Variants in XPR1 observed in about 807,000 individuals in gnomAD.
The protein encoded by XPR1 is xenotropic and polytropic retrovirus receptor 1, also known as solute carrier family 53 member 1.
XPR1 carries 28 observed loss-of-function variants against 87.5 expected under a neutral mutation model. That is an observed-to-expected ratio of 0.32 (90% CI 0.24 to 0.44). The LOEUF (loss-of-function observed/expected upper bound fraction) is 0.44. Ranked by LOEUF, XPR1 falls within the 20% of genes least tolerant of loss-of-function variation. XPR1 has a pLI of 1.00. For missense variants in XPR1, 559 were observed against 862.3 expected (o/e 0.65, Z 4.41); for synonymous variants, 300 against 306.1 (o/e 0.98, Z 0.21).
intron 2 of XPR1, among the ~76,000 whole-genome samples, chr1:180,756,906 A>C (rs114319941): frequency 0.025 from 3,804 of 152,264 alleles, 152 homozygotes; most frequent in African/African-American, 0.086. Flanking sequence ...TTTGTTGAAA[A>C]GACTAGTCTT....
intron 2 of XPR1, among the ~76,000 whole-genome samples, chr1:180,767,345 T>G (rs1648325936): frequency 6.6e-6 from 1 of 152,174 alleles, no homozygotes; most frequent in Non-Finnish European, 1.5e-5. Flanking sequence ...ATAATTGAAA[T>G]TTTGTTCATT....
chr1:180,873,986 TA>T (rs1157447589), intron 13 of XPR1, 44 bp downstream of exon 13: 6 of 1,560,078 alleles, frequency 3.8e-6, no homozygotes, highest in Admixed American at 1.8e-5. Context: ...CTTTTTAACC[TA>T]AAAGACACCC....
At chr1:180,845,854 A>T (rs1651663913) in intron 11 of XPR1, among the ~76,000 whole-genome samples, 1 of 152,226 alleles carries the variant, frequency 6.6e-6, no homozygotes, top group African/African-American at 2.4e-5. Context: ...ATCGAAAGTC[A>T]TTCTTGAATT....
At chr1:180,682,804 A>G (rs1449190061) in intron 2 of XPR1, among the ~76,000 whole-genome samples, 1 of 151,488 alleles carries the variant, frequency 6.6e-6, no homozygotes, top group Non-Finnish European at 1.5e-5. Flanking sequence ...AACAATGGAG[A>G]ATGTTTACAA....
rs116839094 is a variant in XPR1, at chr1:180,661,838, A to G, written c.70-20522A>G. On this transcript the variant is annotated intron_variant, in intron 1 of 14. Coordinates refer to ENST00000367590, the MANE Select transcript of XPR1 (RefSeq NM_004736.4). ...TGCAGTTAGCCAAGATCATGCCACT[A>G]CACTCCAGACTGGATGACAGAATGA... Among the ~76,000 whole-genome samples, 746 of 152,212 alleles carry G rather than the reference A, an allele frequency of 4.9e-3. 5 individuals are homozygous for G. Among genetic ancestry groups the G allele is most frequent in the African/African-American group, 0.013 (551 of 41,546 alleles).
chr1:180,675,845 C>A (rs1182505886), intron 1 of XPR1, among the ~76,000 whole-genome samples: 2 of 152,104 alleles, frequency 1.3e-5, no homozygotes, highest in African/African-American at 4.8e-5. Context: ...GGTTTGTTTC[C>A]TCCCTTGTTT....
intron 2 of XPR1, among the ~76,000 whole-genome samples, chr1:180,752,996 A>T (rs1647590105): frequency 6.6e-6 from 1 of 152,204 alleles, no homozygotes; most frequent in Non-Finnish European, 1.5e-5. Flanking sequence ...TTAATGATTT[A>T]AAAAATAAGA....
chr1:180,828,721 C>G (rs1650950765), intron 9 of XPR1, among the ~76,000 whole-genome samples: 1 of 152,146 alleles, frequency 6.6e-6, no homozygotes, highest in Non-Finnish European at 1.5e-5. Context: ...AACCTACATT[C>G]AGAGAAGTTA....
intron 1 of XPR1, among the ~76,000 whole-genome samples, chr1:180,671,365 A>G (rs1180642952): frequency 6.6e-6 from 1 of 152,246 alleles, no homozygotes; most frequent in Non-Finnish European, 1.5e-5. Context: ...ATAGGAGATT[A>G]TGAAGGCAAA....
At chr1:180,662,362 T>C (rs555663465) in intron 1 of XPR1, among the ~76,000 whole-genome samples, 28 of 152,336 alleles carry the variant, frequency 1.8e-4, no homozygotes, top group African/African-American at 6.3e-4. Flanking sequence ...AGGCTTTATT[T>C]CTTCTTCATA....
At chr1:180,866,384 G>A (rs1652390806) in intron 12 of XPR1, among the ~76,000 whole-genome samples, 2 of 152,090 alleles carry the variant, frequency 1.3e-5, no homozygotes, top group Admixed American at 6.5e-5. Context: ...CAGTTCTTAG[G>A]AATGCATAAT....
chr1:180,825,050 A>G, intron 8 of XPR1, 107 bp downstream of exon 8: 1 of 1,496,082 alleles, frequency 6.7e-7, no homozygotes, highest in Non-Finnish European at 9.0e-7. Flanking sequence ...GAGGATTATT[A>G]GCTTAATAAC....
intron 2 of XPR1, among the ~76,000 whole-genome samples, chr1:180,762,714 A>G (rs1397453431): frequency 2.0e-5 from 3 of 152,238 alleles, no homozygotes; most frequent in African/African-American, 7.2e-5. Flanking sequence ...TATAATGCTA[A>G]TGAAACATTA....
intron 12 of XPR1, 88 bp from the exon 13 acceptor site, chr1:180,873,715 G>C: frequency 6.9e-7 from 1 of 1,443,996 alleles, no homozygotes; most frequent in Non-Finnish European, 9.5e-7. Context: ...ACATGTGTGA[G>C]TCTTGTTTGT....
chr1:180,811,514 T>G, intron 7 of XPR1, 26 bp downstream of exon 7: 5 of 1,579,046 alleles, frequency 3.2e-6, no homozygotes, highest in Non-Finnish European at 4.3e-6. Context: ...TTTGAATTAA[T>G]TTATTCTTAC....
chr1:180,883,914 T>C (rs1490569887), intron 14 of XPR1, 92 bp from the exon 15 acceptor site: 11 of 1,131,894 alleles, frequency 9.7e-6, no homozygotes, highest in Non-Finnish European at 1.3e-5. Flanking sequence ...GTATGTTTAA[T>C]GATGGTAAGA....
chr1:180,837,137 A>G (rs988957567), intron 11 of XPR1, among the ~76,000 whole-genome samples: 3 of 152,220 alleles, frequency 2.0e-5, no homozygotes, highest in Non-Finnish European at 4.4e-5. Flanking sequence ...TTTCCAGCCC[A>G]TTTAACTGCA....
chr1:180,824,157 A>C (rs556532540), intron 7 of XPR1, among the ~76,000 whole-genome samples: 3 of 152,324 alleles, frequency 2.0e-5, no homozygotes, highest in Non-Finnish European at 4.4e-5. Flanking sequence ...GATTCTTTGT[A>C]ATCTAAAAAA....
intron 2 of XPR1, among the ~76,000 whole-genome samples, chr1:180,737,614 C>T (rs141661067): frequency 6.9e-4 from 105 of 152,320 alleles, no homozygotes; most frequent in Middle Eastern, 3.4e-3. Context: ...TAGTTATACA[C>T]TCCTCCTATG....
Sources: allele counts gnomAD v4.1 joint callset (sites outside exome capture counted in the v4.1 genomes callset), GRCh38; gene constraint gnomAD v4.1.1; transcripts MANE v1.5; gene names NCBI Gene and HGNC (gene_info 2026-07-23, HGNC 2026-07-21).